Variants in RP1L1 observed in about 807,000 individuals in gnomAD.
The protein encoded by RP1L1 is retinitis pigmentosa 1-like 1 protein.
Under a neutral mutation model 15.7 loss-of-function variants are expected in RP1L1, and 27 were observed. The ratio of observed to expected loss-of-function variants is 1.72; its 90% CI spans 1.27 to 2.38. The LOEUF (loss-of-function observed/expected upper bound fraction) is 2.38, where lower values mean the gene tolerates loss of function less well. RP1L1 is among the 30% of genes most tolerant of loss of function. The pLI, the probability that RP1L1 is intolerant of heterozygous loss-of-function variation, is 0.00. For synonymous variants in RP1L1, 1,813 were observed against 1,276.7 expected (o/e 1.42, Z -8.96); for missense variants, 4,798 against 3,075.9 (o/e 1.56, Z -13.24).
At chr8:10,622,551 T>C (rs751654611) in intron 2 of RP1L1, 42 bp downstream of exon 2, 2 of 1,613,348 alleles carry the variant, frequency 1.2e-6, no homozygotes, top group South Asian at 1.1e-5. Context: ...ACCTCAGGTC[T>C]AAAGAACCTT....
At chr8:10,620,841 A>G (rs963878045) in intron 2 of RP1L1, among the ~76,000 whole-genome samples, 7 of 152,322 alleles carry the variant, frequency 4.6e-5, no homozygotes, top group African/African-American at 1.7e-4. Context: ...CCAGGGATAA[A>G]CATGAACACA....
intron 1 of RP1L1, among the ~76,000 whole-genome samples, chr8:10,631,378 A>C (rs202235348): frequency 1.1e-3 from 4 of 3,784 alleles, no homozygotes; most frequent in Admixed American, 2.0e-3. Context: ...CATGCACACA[A>C]ACACACATGC....
At chr8:10,621,803 T>C (rs745407572) in intron 2 of RP1L1, 2 of 491,536 alleles carry the variant, frequency 4.1e-6, no homozygotes, top group Non-Finnish European at 8.2e-6. Context: ...TTCACGCATG[T>C]CCTTGAACTC....
chr8:10,634,859 C>A (rs921292684), intron 1 of RP1L1, among the ~76,000 whole-genome samples: 9 of 152,150 alleles, frequency 5.9e-5, no homozygotes, highest in Admixed American at 2.6e-4. Context: ...CCAACTGGGA[C>A]TCCCTCTCCT....
intron 2 of RP1L1, chr8:10,621,162 A>G (rs1178648459): frequency 1.3e-5 from 2 of 152,920 alleles, no homozygotes; most frequent in Non-Finnish European, 2.9e-5. Context: ...GAGATAGACG[A>G]TATCAAGGTG....
chr8:10,652,823 C>T (rs906211819), intron 1 of RP1L1, among the ~76,000 whole-genome samples: 11 of 152,164 alleles, frequency 7.2e-5, no homozygotes, highest in Non-Finnish European at 1.5e-4. Context: ...TGGAGGTCAT[C>T]ATGCTCACTT....
chr8:10,613,099 G>C lies in RP1L1; in HGVS notation c.999C>G (p.Gly333=). 6.2e-7 allele frequency: 1 copy of C among 1,613,874 alleles called. No homozygotes were observed. Among genetic ancestry groups the C allele is most frequent in the Non-Finnish European group, 8.5e-7 (1 of 1,180,032 alleles). The change falls in exon 4 of 4, where the codon GGC becomes GGG. Residue 333 remains glycine, a synonymous_variant. Transcript: ENST00000382483. ...TCCGGGACCATAGGAGCGTGTCCTC[G>C]CCGACCAGGTGGAAGCGGACTTTCA... The part of the protein sequence containing the change: ...VEMKVRFHLV[G]EDTLLWSRRM...
In RP1L1 at chr8:10,612,399, C is replaced by T. The variant is rs2117204989; in HGVS notation, c.1699G>A (p.Glu567Lys). ...GCGGGGTCGCCTCCCTCGCTGGCCT[C>T]CTGCTGAGAGGTCTCGGCCCTTGCC... Reference protein sequence around the residue: ...GKARAETSQQEASEGGDPASP... With the variant: ...GKARAETSQQKASEGGDPASP... The change falls in exon 4 of 4, where the codon GAG becomes AAG. Residue 567 changes from glutamate to lysine, a missense_variant. Transcript: ENST00000382483. The T allele has an allele frequency of 6.2e-7, 1 of 1,612,840 alleles. No individual in the cohort carries two copies. The highest frequency in any genetic ancestry group is 8.5e-7 in the Non-Finnish European group (1 of 1,180,020).
intron 1 of RP1L1, among the ~76,000 whole-genome samples, chr8:10,640,777 T>G (rs984920990): frequency 3.3e-5 from 5 of 152,134 alleles, no homozygotes; most frequent in Non-Finnish European, 7.3e-5. Flanking sequence ...CTATATATTT[T>G]TTTGAGACAG....
In RP1L1 at chr8:10,607,752, T is replaced by A; in HGVS notation, c.6346A>T (p.Ile2116Leu). Residue 2116 changes from isoleucine (I) to leucine (L), a missense_variant, in exon 4 of 4, where the codon ATA becomes TTA. By Grantham distance (5) the Ile-to-Leu change is conservative. Transcript: ENST00000382483. ...TCCCCTTCAGTCTCTGGGGCCTCTA[T>A]ACCTTCTGCCTTCTGGGCCTCCCCT... ...AEGEAQKAEG[I>L]EAPETEGEAQ... 2.1e-6 allele frequency: 3 copies of A among 1,410,112 alleles called. No individual in the cohort carries two copies. The highest frequency in any genetic ancestry group is 2.8e-6 in the Non-Finnish European group (3 of 1,060,014). The allele number at this position is 1,410,112 out of a possible 1,614,324, so 87.3% of individuals were successfully genotyped here. A position where few individuals can be genotyped will look rare whatever the true frequency, so the allele number is the denominator to read the frequency against.
At chr8:10,644,820 G>T (rs1042219234) in intron 1 of RP1L1, among the ~76,000 whole-genome samples, 46 of 152,240 alleles carry the variant, frequency 3.0e-4, no homozygotes, top group African/African-American at 1.1e-3. Context: ...GCTTCCTATG[G>T]GGCTCTAATG....
At chr8:10,623,300 G>A (rs572775020) in intron 1 of RP1L1, 80 bp from the exon 2 acceptor site, 7 of 1,084,112 alleles carry the variant, frequency 6.5e-6, no homozygotes, top group Admixed American at 2.7e-5. Flanking sequence ...CTTTCTAGAG[G>A]TGCTTCCTGC....
chr8:10,608,956 G>A lies in RP1L1; in HGVS notation c.5142C>T (p.His1714=). 6.2e-7 allele frequency: 1 copy of A among 1,613,868 alleles called. No homozygotes were observed. The highest frequency in any genetic ancestry group is 1.1e-5 in the South Asian group (1 of 91,074). The change falls in exon 4 of 4, where the codon CAC becomes CAT. Residue 1714 remains histidine (H), a synonymous_variant. Transcript: ENST00000382483. Reference sequence around the variant, plus strand: ...CAGTCCTAGTGCTCGTGGGGTCCGTGTGGGTCTTGCCAGGGGCCACCTCTG... The same window carrying A: ...CAGTCCTAGTGCTCGTGGGGTCCGTATGGGTCTTGCCAGGGGCCACCTCTG... ...EAAEVAPGKT[H]TDPTSTRTVQ... is the part of the protein sequence containing the mutation.
Position 10,631,304 on chromosome 8 carries a change from TGCACACACAC to T in RP1L1, c.-19-8094_-19-8085del, listed in dbSNP as rs1213564591. On this transcript the variant is annotated intron_variant, in intron 1 of 3. Transcript: ENST00000382483. ...GCACACACACGCACACAAACACGCA[TGCACACACAC>T]GCACACACGCACACACACATGCACA... is the stretch of plus-strand genomic sequence containing the variant. 4.0e-3 allele frequency among the ~76,000 whole-genome samples: 335 copies of T among 84,016 alleles called. 7 individuals carry two copies. The highest frequency in any genetic ancestry group is 6.3e-3 in the East Asian group (7 of 1,106). 55.1% of individuals were successfully genotyped at this position (84,016 alleles called of 152,430 possible). A position where few individuals can be genotyped will look rare whatever the true frequency, so the allele number is the denominator to read the frequency against.
rs773722750 is a variant in RP1L1 at position 10,611,048 on chromosome 8, TC to T, written c.3049del (p.Asp1017ThrfsTer54). On this transcript the variant is annotated frameshift_variant, in exon 4 of 4. Coordinates refer to ENST00000382483, the MANE Select transcript of RP1L1 (RefSeq NM_178857.6). LOFTEE classifies it low-confidence loss of function (END_TRUNC). The stretch of plus-strand genomic sequence containing the variant: ...CTCTGGCTCTGGGTCCTGGCCGGGG[TC>T]CCCTTCCAGGGACTGCTGTCCCGCC... ...AQAGQQSLEG[D>X]PGQDPEPEGA... 1 of 1,612,620 alleles carries T rather than the reference TC, an allele frequency of 6.2e-7. No homozygotes were observed. The highest frequency in any genetic ancestry group is 1.7e-5 in the Admixed American group (1 of 60,022).
intron 3 of RP1L1, among the ~76,000 whole-genome samples, chr8:10,614,780 TG>T (rs973505786): frequency 5.3e-5 from 8 of 149,936 alleles, no homozygotes; most frequent in Non-Finnish European, 1.2e-4. Context: ...TTCCATCTCC[TG>T]GGGGGAGGGG....
rs755358347 is a variant in RP1L1 at position 10,611,317 on chromosome 8, G to T, written c.2781C>A (p.Thr927=). 19 of 1,612,772 alleles carry T rather than the reference G, an allele frequency of 1.2e-5. No homozygotes were observed. The highest frequency in any genetic ancestry group is 8.9e-5 in the East Asian group (4 of 44,876). The change falls in exon 4 of 4, where the codon ACC becomes ACA. Residue 927 remains threonine (T), a synonymous_variant. Transcript: ENST00000382483. ...CCTGGGGGCCTCCCCCACTCCTCAA[G>T]GTCTTCTCCTCGGACAGCCCCCGAG... ...AGSRGLSEEK[T]LRSGGGPQGQ...
At chr8:10,615,514 G>A (rs1000560550) in intron 3 of RP1L1, among the ~76,000 whole-genome samples, 8 of 152,140 alleles carry the variant, frequency 5.3e-5, no homozygotes, top group Non-Finnish European at 1.0e-4. Context: ...GCCCATTGCT[G>A]CCATGATGTC....
At chr8:10,646,990 G>A (rs890016993) in intron 1 of RP1L1, among the ~76,000 whole-genome samples, 13 of 152,214 alleles carry the variant, frequency 8.5e-5, no homozygotes, top group African/African-American at 2.4e-4. Flanking sequence ...CGCCCGAGGC[G>A]GAACCCCTGG....
Sources: gnomAD v4.1 joint callset for allele counts (sites outside exome capture counted in the v4.1 genomes callset) on GRCh38, gnomAD v4.1.1 for gene constraint, MANE v1.5 for transcripts, NCBI Gene and HGNC (gene_info 2026-07-23, HGNC 2026-07-21) for gene names.